LDLRAD3: variants seen among roughly 807,000 people sequenced by gnomAD.
LDLRAD3 encodes low-density lipoprotein receptor class A domain-containing protein 3.
Under a neutral mutation model 29.4 loss-of-function variants are expected in LDLRAD3, and 20 were observed. The ratio of observed to expected loss-of-function variants is 0.68; its 90% confidence interval spans 0.48 to 0.99. The LOEUF (loss-of-function observed/expected upper bound fraction) is 0.99, where lower values mean the gene tolerates loss of function less well. Ranked by LOEUF, LDLRAD3 falls within the 50% of genes least tolerant of loss-of-function variation. The pLI is 0.00. For synonymous variants in LDLRAD3, 157 were observed against 192.7 expected (o/e 0.81, Z 1.53); for missense variants, 420 against 454.3 (o/e 0.92, Z 0.69).
chr11:35,963,119 TTTAA>T (rs1851297879), intron 1 of LDLRAD3, among the ~76,000 whole-genome samples: 1 of 152,202 alleles, frequency 6.6e-6, no homozygotes, highest in South Asian at 2.1e-4. Flanking sequence ...TTATTAAAAT[TTTAA>T]TTACTGTCCA....
intron 3 of LDLRAD3, among the ~76,000 whole-genome samples, chr11:36,083,200 C>T (rs1030424756): frequency 3.9e-5 from 6 of 152,188 alleles, no homozygotes; most frequent in East Asian, 1.9e-4. Flanking sequence ...CATTAGGGTT[C>T]ACTCTGGTGT....
chr11:36,147,935 A>C lies in LDLRAD3; in HGVS notation c.454+49474A>C, dbSNP rs980399378. On this transcript the variant is annotated intron_variant, in intron 4 of 5. Transcript: ENST00000315571. ...GCCCAGGCTGGAGTGCAGTGGTGCA[A>C]TCCTGGCTCACTGCAACCTCCACCT... Among the ~76,000 whole-genome samples the C allele has an allele frequency of 2.0e-5, 3 of 152,070 alleles. No homozygotes were observed. The East Asian group carries it at 5.8e-4, about 29-fold the overall frequency.
At chr11:36,121,757 A>G (rs185291366) in intron 4 of LDLRAD3, among the ~76,000 whole-genome samples, 1 of 152,120 alleles carries the variant, frequency 6.6e-6, no homozygotes, top group Non-Finnish European at 1.5e-5. Flanking sequence ...CAGTACATAA[A>G]CCCAAAAGGT....
intron 4 of LDLRAD3, among the ~76,000 whole-genome samples, chr11:36,174,976 G>A (rs188483148): frequency 3.8e-4 from 58 of 151,560 alleles, no homozygotes; most frequent in African/African-American, 7.3e-4. Context: ...GCGAGACTCC[G>A]TCTCAAAAAA....
intron 4 of LDLRAD3, among the ~76,000 whole-genome samples, chr11:36,204,893 A>G (rs1019251517): frequency 6.6e-6 from 1 of 152,166 alleles, no homozygotes; most frequent in South Asian, 2.1e-4. Context: ...CCTGCCAGAC[A>G]GTCACTTGGG....
chr11:35,964,834 A>C (rs971228985), intron 1 of LDLRAD3, among the ~76,000 whole-genome samples: 2 of 152,114 alleles, frequency 1.3e-5, no homozygotes, highest in African/African-American at 4.8e-5. Context: ...CAAAAAATAC[A>C]AAAATTAGGT....
intron 4 of LDLRAD3, among the ~76,000 whole-genome samples, chr11:36,221,415 G>A (rs1280250961): frequency 3.3e-5 from 5 of 151,780 alleles, no homozygotes; most frequent in South Asian, 2.1e-4. Context: ...CTGTCCTCAG[G>A]GACTCATGAG....
At chr11:35,960,684 G>A (rs570459719) in intron 1 of LDLRAD3, among the ~76,000 whole-genome samples, 2 of 152,098 alleles carry the variant, frequency 1.3e-5, no homozygotes, top group East Asian at 3.9e-4. Context: ...GCAACCCCCC[G>A]CCTGTTGGGT....
chr11:36,104,103 G>A (rs1357445143), intron 4 of LDLRAD3, among the ~76,000 whole-genome samples: 1 of 152,170 alleles, frequency 6.6e-6, no homozygotes, highest in Non-Finnish European at 1.5e-5. Context: ...TGTCTTGCCT[G>A]CCCTCGCTGG....
chr11:35,955,429 A>G (rs1446083855), intron 1 of LDLRAD3, among the ~76,000 whole-genome samples: 1 of 152,206 alleles, frequency 6.6e-6, no homozygotes, highest in African/African-American at 2.4e-5. Context: ...GAATACATCA[A>G]CTAAAGACTA....
At chr11:36,094,008 C>T (rs1853321943) in intron 3 of LDLRAD3, among the ~76,000 whole-genome samples, 1 of 152,176 alleles carries the variant, frequency 6.6e-6, no homozygotes, top group Admixed American at 6.5e-5. Context: ...TGGTGGGGAT[C>T]CATCAGAGGA....
intron 4 of LDLRAD3, among the ~76,000 whole-genome samples, chr11:36,133,229 C>T (rs1388125039): frequency 7.4e-6 from 1 of 135,822 alleles, no homozygotes; most frequent in African/African-American, 2.8e-5. Context: ...TGAGATGGGG[C>T]CTTGCTATGT....
At chr11:35,965,139 G>C (rs1003069074) in intron 1 of LDLRAD3, among the ~76,000 whole-genome samples, 1 of 151,980 alleles carries the variant, frequency 6.6e-6, no homozygotes, top group African/African-American at 2.4e-5. Flanking sequence ...CAAAAGCTTG[G>C]GCTCTTGATG....
At chr11:35,985,181 T>C (rs1299189455) in intron 1 of LDLRAD3, among the ~76,000 whole-genome samples, 4 of 152,172 alleles carry the variant, frequency 2.6e-5, no homozygotes, top group Non-Finnish European at 4.4e-5. Flanking sequence ...TTCACTCACC[T>C]TTGTTCCCTG....
At chr11:36,121,630 A>G (rs1300386592) in intron 4 of LDLRAD3, among the ~76,000 whole-genome samples, 2 of 152,236 alleles carry the variant, frequency 1.3e-5, no homozygotes, top group African/African-American at 4.8e-5. Context: ...TAGTATCGCA[A>G]AAGAGAGACA....
intron 5 of LDLRAD3, among the ~76,000 whole-genome samples, chr11:36,227,963 A>T (rs1446699920): frequency 6.6e-6 from 1 of 152,226 alleles, no homozygotes; most frequent in African/African-American, 2.4e-5. Flanking sequence ...GCTTGGCTTC[A>T]TCTATAAAAT....
intron 4 of LDLRAD3, among the ~76,000 whole-genome samples, chr11:36,137,341 A>G (rs1854019000): frequency 6.6e-6 from 1 of 152,214 alleles, no homozygotes; most frequent in Non-Finnish European, 1.5e-5. Context: ...CTCAATTCAC[A>G]TACCTACAAG....
chr11:36,075,793 A>G (rs1227646162), intron 2 of LDLRAD3, among the ~76,000 whole-genome samples: 1 of 151,994 alleles, frequency 6.6e-6, no homozygotes, highest in Non-Finnish European at 1.5e-5. Context: ...CTAGATCCTT[A>G]TTTTGTTGGC....
intron 4 of LDLRAD3, among the ~76,000 whole-genome samples, chr11:36,134,747 T>C (rs1853979503): frequency 6.6e-6 from 1 of 152,190 alleles, no homozygotes; most frequent in Non-Finnish European, 1.5e-5. Context: ...TCAGTTGCAG[T>C]TATGTTTAAC....
Sources: gnomAD v4.1 joint callset for allele counts (sites outside exome capture counted in the v4.1 genomes callset) on GRCh38, gnomAD v4.1.1 for gene constraint, MANE v1.5 for transcripts, NCBI Gene and HGNC (gene_info 2026-07-23, HGNC 2026-07-21) for gene names.